MRPS9: variants seen among roughly 807,000 people sequenced by gnomAD.
MRPS9 encodes small ribosomal subunit protein uS9m.
A neutral mutation model predicts 59.9 loss-of-function variants in MRPS9; 45 were observed. The observed-to-expected ratio is 0.75, with a 90% confidence interval of 0.59 to 0.96. MRPS9 has a LOEUF of 0.96. Ranked by LOEUF, MRPS9 falls within the 40% of genes least tolerant of loss-of-function variation. The pLI, the probability that MRPS9 is intolerant of heterozygous loss-of-function variation, is 0.00. For missense variants in MRPS9, 473 were observed against 481.1 expected (o/e 0.98, Z 0.16); for synonymous variants, 171 against 166.8 (o/e 1.03, Z -0.19).
At chr2:105,073,225 T>C (rs1192454540) in intron 4 of MRPS9, among the ~76,000 whole-genome samples, 9 of 152,138 alleles carry the variant, frequency 5.9e-5, no homozygotes, top group Admixed American at 5.2e-4. Flanking sequence ...TCTGCCCCTC[T>C]AAGACTGGTT....
chr2:105,089,830 C>A, intron 6 of MRPS9, 90 bp from the exon 7 acceptor site: 1 of 819,402 alleles, frequency 1.2e-6, no homozygotes, highest in Non-Finnish European at 1.9e-6. Context: ...ATTTTCAAAT[C>A]ATAAAATTGC....
intron 5 of MRPS9, among the ~76,000 whole-genome samples, chr2:105,082,892 A>G (rs2104462446): frequency 6.6e-6 from 1 of 152,366 alleles, no homozygotes; most frequent in African/African-American, 2.4e-5. Flanking sequence ...ATGTATGTAT[A>G]TAATGAAAAA....
In MRPS9 at chr2:105,071,339, T is replaced by A. The variant is rs769380702; in HGVS notation, c.342T>A (p.Ser114Arg). Reference protein sequence around the residue: ...IDRAIAYLFPSGLFEKRARPV... With the variant: ...IDRAIAYLFPRGLFEKRARPV... ...GAGCTATTGCTTACCTTTTCCCAAG[T>A]GGTTTGTTTGAGAAACGAGCCAGGC... The change falls in exon 3 of 11, where the codon AGT becomes AGA. Residue 114 changes from serine to arginine, a missense_variant. Coordinates refer to ENST00000258455, the MANE Select transcript of MRPS9 (RefSeq NM_182640.3). 3 of 1,610,128 alleles carry A rather than the reference T, an allele frequency of 1.9e-6. No homozygotes were observed. The highest frequency in any genetic ancestry group is 1.3e-5 in the African/African-American group (1 of 74,872).
At chr2:105,039,173 A>G (rs914229868) in intron 1 of MRPS9, among the ~76,000 whole-genome samples, 2 of 152,124 alleles carry the variant, frequency 1.3e-5, no homozygotes, top group Non-Finnish European at 2.9e-5. Context: ...AGGGAGAGTG[A>G]TAACAAGTAC....
chr2:105,074,756 T>A (rs1195366135), intron 4 of MRPS9, among the ~76,000 whole-genome samples: 1 of 152,098 alleles, frequency 6.6e-6, no homozygotes, highest in Non-Finnish European at 1.5e-5. Context: ...CTCTCAGACA[T>A]GTAGTTGAAA....
At chr2:105,052,732 G>A (rs1225225404) in intron 2 of MRPS9, among the ~76,000 whole-genome samples, 1 of 152,116 alleles carries the variant, frequency 6.6e-6, no homozygotes, top group Non-Finnish European at 1.5e-5. Flanking sequence ...CACCAGTGAA[G>A]CCATCTGGGC....
intron 5 of MRPS9, among the ~76,000 whole-genome samples, chr2:105,087,190 G>A (rs558613871): frequency 5.4e-4 from 82 of 151,896 alleles, no homozygotes; most frequent in African/African-American, 1.9e-3. Context: ...ATGGTTTGTG[G>A]TTTTGCTTTA....
chr2:105,046,716 T>C (rs1160474883), intron 1 of MRPS9, among the ~76,000 whole-genome samples: 1 of 152,048 alleles, frequency 6.6e-6, no homozygotes, highest in African/African-American at 2.4e-5. Flanking sequence ...GTGGTTGTAG[T>C]GACCTAAAAG....
chr2:105,093,662 T>G (rs1680603747), intron 9 of MRPS9, 24 bp downstream of exon 9: 1 of 1,334,086 alleles, frequency 7.5e-7, no homozygotes, highest in Non-Finnish European at 1.1e-6. Flanking sequence ...TCTGATTTTT[T>G]GTTTTTAAAG....
intron 2 of MRPS9, among the ~76,000 whole-genome samples, chr2:105,051,277 TC>T (rs1362202584): frequency 6.6e-6 from 1 of 152,206 alleles, no homozygotes; most frequent in African/African-American, 2.4e-5. Context: ...ATTCAGTTGT[TC>T]CGGCATCATT....
chr2:105,052,108 T>C (rs1204182639), intron 2 of MRPS9, among the ~76,000 whole-genome samples: 1 of 152,220 alleles, frequency 6.6e-6, no homozygotes, highest in Non-Finnish European at 1.5e-5. Context: ...TTTGGATACC[T>C]CTATTTCTTT....
intron 2 of MRPS9, among the ~76,000 whole-genome samples, chr2:105,064,346 ATGGCTAGGCCAG>A (rs1679959704): frequency 6.6e-6 from 1 of 151,590 alleles, no homozygotes; most frequent in Non-Finnish European, 1.5e-5. Flanking sequence ...GACCAGAATT[ATGGCTAGGCCAG>A]ATTGAAATCT....
At chr2:105,081,515 G>C (rs889218382) in intron 5 of MRPS9, among the ~76,000 whole-genome samples, 1 of 152,180 alleles carries the variant, frequency 6.6e-6, no homozygotes, top group African/African-American at 2.4e-5. Flanking sequence ...GCTGTCATCT[G>C]ACATGCCATT....
intron 2 of MRPS9, among the ~76,000 whole-genome samples, chr2:105,066,660 T>C (rs1680007366): frequency 6.6e-6 from 1 of 152,142 alleles, no homozygotes; most frequent in African/African-American, 2.4e-5. Flanking sequence ...GTCTCCTTTG[T>C]GGTTGCAGTG....
rs748360752 is a variant in MRPS9 at position 105,038,122 on chromosome 2, A to C, written c.30A>C (p.Gly10=). 3.1e-6 allele frequency: 5 copies of C among 1,613,574 alleles called. No individual in the cohort carries two copies. Among genetic ancestry groups the C allele is most frequent in the Non-Finnish European group, 4.2e-6 (5 of 1,179,966 alleles). The change falls in exon 1 of 11, where the codon GGA becomes GGC. Residue 10 remains glycine, a synonymous_variant. Transcript: ENST00000258455. Reference sequence around the variant, plus strand: ...CGGCGCCCTGTGTGTCCTACGGCGGAGCAGTTTCGTACCGGCTTCTTCTCT... The same window carrying C: ...CGGCGCCCTGTGTGTCCTACGGCGGCGCAGTTTCGTACCGGCTTCTTCTCT... MAAPCVSYG[G]AVSYRLLLWG...
At chr2:105,079,474 T>C (rs1185359591) in intron 4 of MRPS9, among the ~76,000 whole-genome samples, 1 of 152,208 alleles carries the variant, frequency 6.6e-6, no homozygotes, top group Non-Finnish European at 1.5e-5. Flanking sequence ...TTTTCTGTTG[T>C]TGATGTTTTA....
intron 2 of MRPS9, among the ~76,000 whole-genome samples, chr2:105,056,301 T>G (rs1401355215): frequency 1.3e-5 from 2 of 152,084 alleles, no homozygotes; most frequent in Non-Finnish European, 2.9e-5. Context: ...TCCCCAACCT[T>G]ATTTAGTAGG....
chr2:105,071,400 A>G (rs1429276551), intron 3 of MRPS9, 25 bp downstream of exon 3: 2 of 1,596,460 alleles, frequency 1.3e-6, no homozygotes, highest in Non-Finnish European at 1.7e-6. Flanking sequence ...TACTATTTTA[A>G]AAATTTCACT....
At chr2:105,099,406 G>A (rs1261787495) in intron 10 of MRPS9, 1 of 292,708 alleles carries the variant, frequency 3.4e-6, no homozygotes, top group African/African-American at 2.2e-5. Context: ...AAACCAAAAG[G>A]GAGCCATGAT....
Sources: gnomAD v4.1 joint callset for allele counts (sites outside exome capture counted in the v4.1 genomes callset) on GRCh38, gnomAD v4.1.1 for gene constraint, MANE v1.5 for transcripts, NCBI Gene and HGNC (gene_info 2026-07-23, HGNC 2026-07-21) for gene names.